Variants in CNTN6 observed in about 807,000 individuals in gnomAD.
CNTN6 encodes the protein contactin 6, also known as contactin-6.
Under a neutral mutation model 122.8 loss-of-function variants are expected in CNTN6, and 137 were observed. That is an observed-to-expected ratio of 1.12 (90% CI 0.97 to 1.29). The LOEUF (loss-of-function observed/expected upper bound fraction) is 1.29. CNTN6 is among the 50% of genes most tolerant of loss of function. The probability of loss-of-function intolerance (pLI) is 0.00; values close to 1 mark genes in which losing one functional copy is unlikely to be tolerated. For missense variants in CNTN6, 1,634 were observed against 1,223.4 expected, an observed-to-expected ratio of 1.34 and a Z score of -5.01; for synonymous variants, 570 against 426.0, an observed-to-expected ratio of 1.34 and a Z score of -4.16.
intron 7 of CNTN6, among the ~76,000 whole-genome samples, chr3:1,311,409 A>C (rs1441389179): frequency 1.2e-5 from 1 of 84,028 alleles, no homozygotes; most frequent in African/African-American, 5.1e-5. Context: ...TGTACATATA[A>C]AATGTCTTTA....
intron 20 of CNTN6, among the ~76,000 whole-genome samples, chr3:1,400,914 TTATAAGAA>T (rs1695606329): frequency 6.6e-6 from 1 of 152,164 alleles, no homozygotes. Flanking sequence ...CTGCCATGAC[TTATAAGAA>T]ATATCCTTGA....
At chr3:1,374,862 A>G (rs746052650) in intron 16 of CNTN6, among the ~76,000 whole-genome samples, 5 of 152,116 alleles carry the variant, frequency 3.3e-5, no homozygotes, top group Middle Eastern at 3.2e-3. Flanking sequence ...ATAATGTTAT[A>G]TGTTTATCAT....
At chr3:1,386,288 A>T (rs865932995) in intron 20 of CNTN6, among the ~76,000 whole-genome samples, 13 of 152,154 alleles carry the variant, frequency 8.5e-5, no homozygotes, top group Admixed American at 7.9e-4. Flanking sequence ...TTTGAGTCCG[A>T]GTATATTCAC....
rs1213700015 is a variant in CNTN6, at chr3:1,099,321, G to T, written c.-83+6201G>T. On this transcript the variant is annotated intron_variant, in intron 1 of 22. Transcript: ENST00000446702. ...AAAAAATTAGCAGGGTGTGGTGGCG[G>T]GCGCCTGTAGTCCCAGCTACTGGGG... Among the ~76,000 whole-genome samples the T allele has an allele frequency of 4.2e-5, 6 of 143,150 alleles. 1 individual carries two copies. Among genetic ancestry groups the T allele is most frequent in the African/African-American group, 1.6e-4 (6 of 38,704 alleles). 93.9% of individuals were successfully genotyped at this position (143,150 alleles called of 152,430 possible).
intron 4 of CNTN6, among the ~76,000 whole-genome samples, chr3:1,254,978 C>G (rs1316481736): frequency 6.6e-6 from 1 of 152,048 alleles, no homozygotes; most frequent in Admixed American, 6.6e-5. Context: ...TTACGTTAAT[C>G]TTGCTGGGCT....
At chr3:1,376,938 C>A in intron 16 of CNTN6, 67 bp from the exon 17 acceptor site, 3 of 1,120,582 alleles carry the variant, frequency 2.7e-6, no homozygotes, top group Non-Finnish European at 4.0e-6. Context: ...AATTCAAAAA[C>A]AAAATTCTTC....
chr3:1,356,205 A>T (rs1706527934), intron 12 of CNTN6, among the ~76,000 whole-genome samples: 1 of 151,852 alleles, frequency 6.6e-6, no homozygotes, highest in Non-Finnish European at 1.5e-5. Flanking sequence ...TAAAAAGCAG[A>T]GTAACAGCAG....
intron 4 of CNTN6, among the ~76,000 whole-genome samples, chr3:1,236,414 C>T (rs370976461): frequency 2.6e-5 from 4 of 152,142 alleles, no homozygotes; most frequent in Non-Finnish European, 4.4e-5. Context: ...TTACAGGACT[C>T]TGCAGACACT....
rs142395650 is a variant in CNTN6, at chr3:1,151,530, TC to T, written c.55+3471del. On this transcript the variant is annotated intron_variant, in intron 2 of 22. Coordinates refer to ENST00000446702, the MANE Select transcript of CNTN6 (RefSeq NM_001289080.2). ...TGGTTTATGCTTTACTGATTCTCCA[TC>T]CCCTAATACACAGATTCTAAATATT... Among the ~76,000 whole-genome samples, 1,125 of 152,306 alleles carry T rather than the reference TC, an allele frequency of 7.4e-3. 5 individuals are homozygous for T. Among genetic ancestry groups the T allele is most frequent in the Middle Eastern group, 0.017 (5 of 294 alleles).
intron 1 of CNTN6, among the ~76,000 whole-genome samples, chr3:1,118,461 A>G (rs972714339): frequency 1.3e-5 from 2 of 152,150 alleles, no homozygotes; most frequent in Non-Finnish European, 2.9e-5. Flanking sequence ...CTAGGTAAAC[A>G]ATTTGGCCAA....
At position 1,295,767 on chromosome 3, in the gene CNTN6, T is replaced by G; in HGVS notation, c.621T>G (p.Val207=). 1 of 1,613,988 alleles carries G rather than the reference T, an allele frequency of 6.2e-7. No individual in the cohort carries two copies. Among genetic ancestry groups the G allele is most frequent in the Non-Finnish European group, 8.5e-7 (1 of 1,179,880 alleles). Residue 207 remains valine, a synonymous_variant, in exon 6 of 23, where the codon GTT becomes GTG. Transcript: ENST00000446702. ...CTAACAAAGAGGCCCAGAGAAGTGT[T>G]CAAGGTCCACCCACTCCATTAGTGC... The part of the protein sequence containing the change: ...FITNKEAQRS[V]QGPPTPLVQR...
intron 2 of CNTN6, 104 bp downstream of exon 2, chr3:1,148,167 T>C: frequency 2.4e-6 from 2 of 835,236 alleles, no homozygotes; most frequent in Non-Finnish European, 3.9e-6. Context: ...GTATGTTATT[T>C]GAATGACTAA....
In CNTN6 at chr3:1,403,509, TAC is replaced by T; in HGVS notation, c.*93_*94del. 1.5e-6 allele frequency: 1 copy of T among 659,024 alleles called. No individual in the cohort carries two copies. The highest frequency in any genetic ancestry group is 2.5e-6 in the Non-Finnish European group (1 of 392,252). 40.8% of individuals were successfully genotyped at this position (659,024 alleles called of 1,614,324 possible). A position where few individuals can be genotyped will look rare whatever the true frequency, so the allele number is the denominator to read the frequency against. ...CCTCTGACACAAGATGCGTTCTTAATACAGACTTGTTTGCAAAGAAAAAAAAA... is the reference window on the plus strand; with the variant it reads ...CCTCTGACACAAGATGCGTTCTTAATAGACTTGTTTGCAAAGAAAAAAAAA... On this transcript the variant is annotated 3_prime_UTR_variant, in exon 23 of 23. Transcript: ENST00000446702.
At chr3:1,120,926 A>G (rs920998216) in intron 1 of CNTN6, among the ~76,000 whole-genome samples, 3 of 150,396 alleles carry the variant, frequency 2.0e-5, no homozygotes, top group African/African-American at 7.3e-5. Context: ...CTTAGCTTTT[A>G]TCTAATGGTA....
chr3:1,186,940 T>C (rs979879957), intron 2 of CNTN6, among the ~76,000 whole-genome samples: 2 of 152,050 alleles, frequency 1.3e-5, no homozygotes, highest in African/African-American at 2.4e-5. Flanking sequence ...TTTCCATCTA[T>C]ATAAAGGCCT....
intron 20 of CNTN6, among the ~76,000 whole-genome samples, chr3:1,392,068 A>C (rs1283234293): frequency 6.6e-6 from 1 of 152,184 alleles, no homozygotes; most frequent in East Asian, 1.9e-4. Flanking sequence ...TAAAGTTCAT[A>C]TGGAACCAAA....
intron 19 of CNTN6, among the ~76,000 whole-genome samples, chr3:1,384,057 A>G (rs561463107): frequency 1.3e-5 from 2 of 152,282 alleles, no homozygotes; most frequent in Admixed American, 6.5e-5. Context: ...TAGGTAATTC[A>G]AAGCAAACAA....
At chr3:1,356,333 A>G (rs1052469055) in intron 12 of CNTN6, among the ~76,000 whole-genome samples, 3 of 151,780 alleles carry the variant, frequency 2.0e-5, no homozygotes, top group Non-Finnish European at 4.4e-5. Flanking sequence ...GAAATGTCGG[A>G]ACTTGGAAAA....
chr3:1,233,511 G>A (rs1005813933), intron 4 of CNTN6, among the ~76,000 whole-genome samples: 7 of 151,892 alleles, frequency 4.6e-5, no homozygotes, highest in East Asian at 1.9e-4. Context: ...CGAGGCGGGC[G>A]GATCACAAGG....
Sources: gnomAD v4.1 joint callset for allele counts (sites outside exome capture counted in the v4.1 genomes callset) on GRCh38, gnomAD v4.1.1 for gene constraint, MANE v1.5 for transcripts, NCBI Gene and HGNC (gene_info 2026-07-23, HGNC 2026-07-21) for gene names.